LAMB1: variants seen among roughly 807,000 people sequenced by gnomAD.
The protein encoded by LAMB1 is laminin subunit beta-1.
In LAMB1, 121 loss-of-function variants were observed where a neutral mutation model predicts 222.3. That is an observed-to-expected ratio of 0.54 (90% CI 0.47 to 0.63). The LOEUF (loss-of-function observed/expected upper bound fraction) is 0.63, where lower values mean the gene tolerates loss of function less well. Among genes scored for constraint, LAMB1 ranks in the 30% least tolerant of loss-of-function variants. The probability of loss-of-function intolerance (pLI) is 0.00; values close to 1 mark genes in which losing one functional copy is unlikely to be tolerated. For synonymous variants in LAMB1, 794 were observed against 807.2 expected, an observed-to-expected ratio of 0.98 and a Z score of 0.28; for missense variants, 2,172 against 2,240.8, an observed-to-expected ratio of 0.97 and a Z score of 0.62.
At chr7:107,980,094 G>C (rs2033943339) in intron 8 of LAMB1, among the ~76,000 whole-genome samples, 1 of 152,082 alleles carries the variant, frequency 6.6e-6, no homozygotes, top group Admixed American at 6.6e-5. Flanking sequence ...TATAATCCCA[G>C]GTATTTGGGA....
chr7:107,932,587 T>C, intron 27 of LAMB1: 1 of 595,272 alleles, frequency 1.7e-6, no homozygotes, highest in Admixed American at 2.9e-5. Context: ...AATGGAAGTT[T>C]ACAACTCATC....
intron 25 of LAMB1, among the ~76,000 whole-genome samples, chr7:107,938,824 C>G (rs1030683102): frequency 2.0e-5 from 3 of 152,146 alleles, no homozygotes; most frequent in Admixed American, 2.0e-4. Context: ...ACACTCTGGC[C>G]AGCTACATGG....
intron 24 of LAMB1, 112 bp from the exon 25 acceptor site, chr7:107,940,470 G>A (rs1284730098): frequency 1.8e-5 from 20 of 1,119,024 alleles, no homozygotes; most frequent in Middle Eastern, 3.1e-4. Context: ...GTCAACCATC[G>A]ACAACAATTG....
At position 107,975,824 on chromosome 7, in the gene LAMB1, G is replaced by A. The variant is rs1443822175; in HGVS notation, c.1054C>T (p.Leu352=). The change falls in exon 10 of 34, where the codon CTG becomes TTG. Residue 352 remains leucine (L), a synonymous_variant. Coordinates refer to ENST00000222399, the MANE Select transcript of LAMB1 (RefSeq NM_002291.3). ...CCTCCGCTGACGTTCCCCGTGGCCAGGTAAACAGCCATGTCAAAGTGACAA... is the reference window on the plus strand; with the variant it reads ...CCTCCGCTGACGTTCCCCGTGGCCAAGTAAACAGCCATGTCAAAGTGACAA... ...ISCHFDMAVY[L]ATGNVSGGVC... The A allele has an allele frequency of 6.2e-7, 1 of 1,613,986 alleles. No homozygotes were observed.
intron 21 of LAMB1, 64 bp from the exon 22 acceptor site, chr7:107,953,818 C>T (rs912331514): frequency 2.5e-5 from 34 of 1,380,060 alleles, no homozygotes; most frequent in Non-Finnish European, 2.9e-5. Flanking sequence ...ACCAGTGCAC[C>T]GACACTCATG....
rs557003268 is a variant in LAMB1, at chr7:107,940,280, A to G, written c.3470T>C (p.Val1157Ala). 26 of 1,614,210 alleles carry G rather than the reference A, an allele frequency of 1.6e-5. No individual in the cohort carries two copies. The African/African-American group carries it at 1.7e-4, about 11-fold the overall frequency. ...STGQCVCVEGVEGPRCDKCTR... is the reference protein window; with the variant it reads ...STGQCVCVEGAEGPRCDKCTR... ...GCACTTGTCACAGCGTGGACCCTCA[A>G]CACCCTCAACGCAGACACACTGGCC... The change falls in exon 25 of 34, where the codon GTT becomes GCT. Residue 1157 changes from valine (V) to alanine (A), a missense_variant. By Grantham distance (64) the Val-to-Ala change is moderately conservative. Coordinates refer to ENST00000222399, the MANE Select transcript of LAMB1 (RefSeq NM_002291.3).
In LAMB1 at chr7:108,003,148, C is replaced by G. The variant is rs2034424641; in HGVS notation, c.-124G>C. On this transcript the variant is annotated 5_prime_UTR_variant, in exon 1 of 34. Coordinates refer to ENST00000222399, the MANE Select transcript of LAMB1 (RefSeq NM_002291.3). ...GCTCTCGCCCTGCTCCGGGAGCCCC[C>G]GAGCCCAAAGAAGGGAATTAGAAAG... The G allele has an allele frequency of 3.2e-6, 2 of 621,486 alleles. No homozygotes were observed. Among genetic ancestry groups the G allele is most frequent in the East Asian group, 6.4e-5 (2 of 31,118 alleles). 38.5% of individuals were successfully genotyped at this position (621,486 alleles called of 1,614,324 possible).
intron 4 of LAMB1, 47 bp downstream of exon 4, chr7:107,998,310 G>C (rs780752131): frequency 1.3e-6 from 2 of 1,597,490 alleles, no homozygotes; most frequent in Admixed American, 1.7e-5. Context: ...CTCCACCCAA[G>C]TTATCAATCA....
chr7:107,970,492 A>AG (rs1480953425), intron 13 of LAMB1, among the ~76,000 whole-genome samples: 1 of 131,090 alleles, frequency 7.6e-6, no homozygotes, highest in Non-Finnish European at 1.6e-5. Flanking sequence ...CTGTCTCAAA[A>AG]AAAAAAAAAA....
At chr7:108,003,042 T>G in intron 1 of LAMB1, 69 bp downstream of exon 1, 2 of 1,431,766 alleles carry the variant, frequency 1.4e-6, no homozygotes. Flanking sequence ...CCATTTCCTG[T>G]CGCTCCCACG....
At chr7:107,955,263 T>TA (rs1174439671) in intron 21 of LAMB1, among the ~76,000 whole-genome samples, 1 of 152,216 alleles carries the variant, frequency 6.6e-6, no homozygotes, top group Non-Finnish European at 1.5e-5. Flanking sequence ...TGCTTTGTGT[T>TA]ATAACGTTCT....
At chr7:107,971,252 T>G (rs1031480835) in intron 13 of LAMB1, among the ~76,000 whole-genome samples, 3 of 152,220 alleles carry the variant, frequency 2.0e-5, no homozygotes, top group Non-Finnish European at 4.4e-5. Flanking sequence ...GGAGTACATA[T>G]CTAGTTTTTA....
At chr7:107,979,515 C>T (rs1039376456) in intron 8 of LAMB1, among the ~76,000 whole-genome samples, 7 of 152,144 alleles carry the variant, frequency 4.6e-5, no homozygotes, top group African/African-American at 1.7e-4. Flanking sequence ...AATCCTTGGG[C>T]TCTATCACCA....
intron 31 of LAMB1, 127 bp downstream of exon 31, chr7:107,928,937 T>G (rs2032636292): frequency 1.1e-6 from 1 of 924,534 alleles, no homozygotes; most frequent in Non-Finnish European, 1.7e-6. Flanking sequence ...CGGAGTAGTT[T>G]AGATTTATTA....
At position 107,940,185 on chromosome 7, in the gene LAMB1, T is replaced by A. The variant is rs1261514408; in HGVS notation, c.3565A>T (p.Ile1189Phe). 2 of 1,613,944 alleles carry A rather than the reference T, an allele frequency of 1.2e-6. No individual in the cohort carries two copies. Among genetic ancestry groups the A allele is most frequent in the African/African-American group, 2.7e-5 (2 of 74,860 alleles). Residue 1189 changes from isoleucine to phenylalanine, a missense_variant, in exon 25 of 34, where the codon ATC (isoleucine) becomes TTC (phenylalanine). Physicochemically the swap from Ile to Phe is conservative, Grantham distance 21 (BLOSUM62 0). Coordinates refer to ENST00000222399, the MANE Select transcript of LAMB1 (RefSeq NM_002291.3). ...CHQCFALWDV[I>F]IAELTNRTHR... ...GTCCTGTTGGTCAGCTCGGCAATGA[T>A]CACATCCCAGAGAGCAAAGCACTGG...
chr7:107,980,479 A>G, intron 8 of LAMB1, 130 bp downstream of exon 8: 1 of 701,974 alleles, frequency 1.4e-6, no homozygotes, highest in Non-Finnish European at 2.4e-6. Flanking sequence ...TGTATGGTGC[A>G]AAGGGCTAAA....
chr7:107,941,272 C>T (rs557541023), intron 24 of LAMB1, among the ~76,000 whole-genome samples: 1 of 152,264 alleles, frequency 6.6e-6, no homozygotes, highest in East Asian at 1.9e-4. Flanking sequence ...TTTCAGGTGA[C>T]CAAATCATTT....
intron 23 of LAMB1, among the ~76,000 whole-genome samples, chr7:107,951,704 C>T (rs1303397952): frequency 2.0e-5 from 3 of 152,130 alleles, no homozygotes; most frequent in Non-Finnish European, 2.9e-5. Context: ...TGGTTCCTTT[C>T]GAGAAGCTAA....
chr7:107,967,236 C>T (rs1010160113), intron 13 of LAMB1, among the ~76,000 whole-genome samples: 1 of 152,216 alleles, frequency 6.6e-6, no homozygotes, highest in African/African-American at 2.4e-5. Context: ...TTTCCTTTAT[C>T]CCAATACTCA....
Sources: allele counts gnomAD v4.1 joint callset (sites outside exome capture counted in the v4.1 genomes callset), GRCh38; gene constraint gnomAD v4.1.1; transcripts MANE v1.5; gene names NCBI Gene and HGNC (gene_info 2026-07-23, HGNC 2026-07-21).